Variants in YWHAQ observed in about 807,000 individuals in gnomAD.
The protein encoded by YWHAQ is tyrosine 3-monooxygenase/tryptophan 5-monooxygenase activation protein theta.
In YWHAQ, 6 loss-of-function variants were observed where a neutral mutation model predicts 28.3. The observed-to-expected ratio is 0.21, with a 90% confidence interval of 0.12 to 0.42. The LOEUF is 0.42. YWHAQ is among the 10% of genes least tolerant of loss of function. The pLI is 1.00. For missense variants in YWHAQ, 201 were observed against 305.6 expected (o/e 0.66, Z 2.55); for synonymous variants, 143 against 119.1 (o/e 1.20, Z -1.31).
chr2:9,585,427 TAC>T, intron 5 of YWHAQ, 82 bp from the exon 6 acceptor site: 1 of 1,468,786 alleles, frequency 6.8e-7, no homozygotes, highest in Admixed American at 1.8e-5. Context: ...CAAAATTAAC[TAC>T]AAGAGTAGTA....
chr2:9,606,528 T>C (rs1666832095), intron 2 of YWHAQ, among the ~76,000 whole-genome samples: 1 of 152,218 alleles, frequency 6.6e-6, no homozygotes. Context: ...TCTGTCTGTG[T>C]GTGTGTGTGT....
At chr2:9,618,674 AT>A (rs34048944) in intron 2 of YWHAQ, among the ~76,000 whole-genome samples, 309 of 134,526 alleles carry the variant, frequency 2.3e-3, no homozygotes, top group Middle Eastern at 4.0e-3. Context: ...CACTGTTTTG[AT>A]TTTTTTTTTT....
intron 2 of YWHAQ, among the ~76,000 whole-genome samples, chr2:9,611,754 T>C (rs113122841): frequency 1.3e-5 from 2 of 152,232 alleles, no homozygotes; most frequent in South Asian, 4.1e-4. Flanking sequence ...CACTACAACC[T>C]CTGCCTCCCG....
At chr2:9,589,991 T>A (rs1049473885) in intron 3 of YWHAQ, among the ~76,000 whole-genome samples, 3 of 152,256 alleles carry the variant, frequency 2.0e-5, no homozygotes, top group African/African-American at 7.2e-5. Context: ...GGCACATTTA[T>A]TGATCTAATC....
At chr2:9,589,053 T>C (rs1666403368) in intron 3 of YWHAQ, among the ~76,000 whole-genome samples, 1 of 150,612 alleles carries the variant, frequency 6.6e-6, no homozygotes, top group African/African-American at 2.4e-5. Context: ...GCCCAGGAGG[T>C]TGAAGCTGCA....
At chr2:9,626,343 G>A (rs1046093970) in intron 2 of YWHAQ, among the ~76,000 whole-genome samples, 4 of 152,038 alleles carry the variant, frequency 2.6e-5, no homozygotes, top group Admixed American at 1.3e-4. Context: ...AGAGCTTTGT[G>A]AACCCCTCTA....
chr2:9,623,397 C>G (rs528004988), intron 2 of YWHAQ, among the ~76,000 whole-genome samples: 26 of 152,316 alleles, frequency 1.7e-4, no homozygotes, highest in African/African-American at 5.8e-4. Flanking sequence ...TAAGTAAATC[C>G]TAGCATAAAG....
intron 2 of YWHAQ, among the ~76,000 whole-genome samples, chr2:9,610,453 C>A (rs766484456): frequency 2.6e-5 from 4 of 152,170 alleles, no homozygotes; most frequent in African/African-American, 7.2e-5. Flanking sequence ...CTCTTACATA[C>A]CATACCAAGT....
chr2:9,603,259 T>A (rs1169502772), intron 2 of YWHAQ, among the ~76,000 whole-genome samples: 1 of 139,362 alleles, frequency 7.2e-6, no homozygotes, highest in South Asian at 2.2e-4. Context: ...CAAAGTACAA[T>A]TCTCCCTTGA....
chr2:9,613,467 A>C lies in YWHAQ; in HGVS notation c.294+16692T>G, dbSNP rs142471265. Among the ~76,000 whole-genome samples the C allele has an allele frequency of 2.2e-3, 334 of 152,384 alleles. 2 individuals are homozygous for C. Among genetic ancestry groups the C allele is most frequent in the African/African-American group, 7.7e-3 (319 of 41,594 alleles). On this transcript the variant is annotated intron_variant, in intron 2 of 5. Transcript: ENST00000238081. Reference sequence around the variant, plus strand: ...TGAAAGCAAATACAAGCCTAAGGGTAGGCTTATGCAATCAAGTGGTTTATT... The same window carrying C: ...TGAAAGCAAATACAAGCCTAAGGGTCGGCTTATGCAATCAAGTGGTTTATT...
Position 9,630,177 on chromosome 2 carries a change from G to T in YWHAQ, c.276C>A (p.Ser92=). 6.2e-7 allele frequency: 1 copy of T among 1,613,664 alleles called. No individual in the cohort carries two copies. Among genetic ancestry groups the T allele is most frequent in the Non-Finnish European group, 8.5e-7 (1 of 1,179,996 alleles). ...GACTCACCAGCACCGTGGTGCAGAT[G>T]GATCTCAGCTCGGACTCCACTTTCT... The part of the protein sequence containing the change: ...YREKVESELR[S]ICTTVLELLD... The change falls in exon 2 of 6, where the codon TCC becomes TCA. Residue 92 remains serine, a synonymous_variant. Coordinates refer to ENST00000238081, the MANE Select transcript of YWHAQ (RefSeq NM_006826.4). This position sits in a 1 kb window ranked among gnomAD's most constrained non-coding sequence, Gnocchi z 5.6.
rs772387887 is a variant in YWHAQ, at chr2:9,588,263, G to A, written c.484C>T (p.Pro162Ser). 1.2e-6 allele frequency: 2 copies of A among 1,609,664 alleles called. No homozygotes were observed. Among genetic ancestry groups the A allele is most frequent in the Admixed American group, 1.7e-5 (1 of 58,514 alleles). Residue 162 changes from proline to serine, a missense_variant, in exon 4 of 6, where the codon CCC (proline) becomes TCC (serine). Coordinates refer to ENST00000238081, the MANE Select transcript of YWHAQ (RefSeq NM_006826.4). ...AGCCCCAGGCGGATTGGGTGTGTGG[G>A]TTGCATCTCTTTCTTGCTTATATCA... ...AFDISKKEMQ[P>S]THPIRLGLAL...
intron 2 of YWHAQ, among the ~76,000 whole-genome samples, chr2:9,605,108 G>GA (rs906690032): frequency 6.8e-6 from 1 of 147,950 alleles, no homozygotes; most frequent in African/African-American, 2.5e-5. Context: ...AAATTCCTAA[G>GA]AAAAAATGAT....
intron 2 of YWHAQ, among the ~76,000 whole-genome samples, chr2:9,629,109 C>T (rs953658168): frequency 6.6e-6 from 1 of 151,742 alleles, no homozygotes; most frequent in African/African-American, 2.4e-5. Flanking sequence ...TCTTCCATTC[C>T]CTTTTGAAAA....
chr2:9,591,736 T>C (rs1666459168), intron 2 of YWHAQ, among the ~76,000 whole-genome samples: 1 of 152,240 alleles, frequency 6.6e-6, no homozygotes, highest in Non-Finnish European at 1.5e-5. Flanking sequence ...TAGTTTCTAA[T>C]GGTAAGGCTA....
intron 2 of YWHAQ, among the ~76,000 whole-genome samples, chr2:9,621,424 G>A (rs1305900871): frequency 6.6e-6 from 1 of 152,112 alleles, no homozygotes; most frequent in Non-Finnish European, 1.5e-5. Context: ...CACTCAACCA[G>A]TGATGTGAAA....
intron 2 of YWHAQ, among the ~76,000 whole-genome samples, chr2:9,627,592 G>C (rs1418791652): frequency 6.6e-6 from 1 of 152,180 alleles, no homozygotes; most frequent in East Asian, 1.9e-4. Flanking sequence ...GACTCTGGGA[G>C]GCCAAGTCAT....
At chr2:9,597,412 CCGGGGTGGG>C (rs1421227968) in intron 2 of YWHAQ, among the ~76,000 whole-genome samples, 1 of 152,042 alleles carries the variant, frequency 6.6e-6, no homozygotes, top group Non-Finnish European at 1.5e-5. Flanking sequence ...CTTTGGGAGG[CCGGGGTGGG>C]CGGATCACGA....
chr2:9,585,688 G>C (rs6715408), intron 5 of YWHAQ, among the ~76,000 whole-genome samples: 1 of 151,956 alleles, frequency 6.6e-6, no homozygotes, highest in Non-Finnish European at 1.5e-5. Flanking sequence ...TGAGAAGATC[G>C]CATGAGGCCA....
Sources: allele counts gnomAD v4.1 joint callset (sites outside exome capture counted in the v4.1 genomes callset), GRCh38; gene constraint gnomAD v4.1.1; non-coding constraint Gnocchi (gnomAD v3.1); transcripts MANE v1.5; gene names NCBI Gene and HGNC (gene_info 2026-07-23, HGNC 2026-07-21).